Variants in CLDN10 observed in about 807,000 individuals in gnomAD.
CLDN10 encodes claudin 10.
A neutral mutation model predicts 22.9 loss-of-function variants in CLDN10; 15 were observed. That is an observed-to-expected ratio of 0.65 (90% CI 0.44 to 1.01). CLDN10 has a LOEUF of 1.01. CLDN10 is among the 50% of genes least tolerant of loss of function. The pLI is 0.00. For synonymous variants in CLDN10, 114 were observed against 111.4 expected (o/e 1.02, Z -0.15); for missense variants, 247 against 287.8 (o/e 0.86, Z 1.03).
chr13:95,482,075 G>T (rs1456423063), intron 1 of CLDN10, among the ~76,000 whole-genome samples: 2 of 152,106 alleles, frequency 1.3e-5, no homozygotes, highest in African/African-American at 4.8e-5. Flanking sequence ...AAATAAAAGA[G>T]TATAATTGGA....
chr13:95,539,168 C>T (rs751594298), intron 1 of CLDN10, among the ~76,000 whole-genome samples: 1 of 152,178 alleles, frequency 6.6e-6, no homozygotes, highest in Admixed American at 6.5e-5. Flanking sequence ...CGTGAGCCAC[C>T]GTGCCCAGCT....
At chr13:95,470,376 C>G (rs530947766) in intron 1 of CLDN10, among the ~76,000 whole-genome samples, 22 of 152,274 alleles carry the variant, frequency 1.4e-4, no homozygotes, top group African/African-American at 4.6e-4. Flanking sequence ...GCCTTCCAAG[C>G]AGCTGGAACC....
intron 1 of CLDN10, among the ~76,000 whole-genome samples, chr13:95,438,324 C>T (rs1485575971): frequency 6.6e-6 from 1 of 152,188 alleles, no homozygotes; most frequent in Non-Finnish European, 1.5e-5. Flanking sequence ...AGGGTGGTCT[C>T]AAACTCCTGG....
At chr13:95,438,897 T>C (rs1277091079) in intron 1 of CLDN10, among the ~76,000 whole-genome samples, 1 of 146,384 alleles carries the variant, frequency 6.8e-6, no homozygotes, top group East Asian at 2.0e-4. Context: ...GAGAATCACT[T>C]GAACCCAGGA....
intron 1 of CLDN10, among the ~76,000 whole-genome samples, chr13:95,502,195 C>G (rs7982563): frequency 0.47 from 71,491 of 152,060 alleles, 17,351 homozygotes; most frequent in Non-Finnish European, 0.52. Context: ...GAACTCCAAG[C>G]TTCCTGACTT....
chr13:95,570,275 G>A (rs1013894802), intron 3 of CLDN10, among the ~76,000 whole-genome samples: 4 of 152,036 alleles, frequency 2.6e-5, no homozygotes, highest in Non-Finnish European at 4.4e-5. Context: ...ATTATGACTC[G>A]GTGCCTCATT....
chr13:95,483,290 C>A (rs925797912), intron 1 of CLDN10, among the ~76,000 whole-genome samples: 2 of 152,146 alleles, frequency 1.3e-5, no homozygotes, highest in African/African-American at 4.8e-5. Flanking sequence ...GGAGATTTAC[C>A]CTTAGGGTGA....
chr13:95,491,191 G>T (rs1325285775), intron 1 of CLDN10, among the ~76,000 whole-genome samples: 1 of 152,094 alleles, frequency 6.6e-6, no homozygotes, highest in African/African-American at 2.4e-5. Context: ...GAGTTGGTTG[G>T]TGAGTTCTTA....
At chr13:95,459,632 A>G (rs1201413822) in intron 1 of CLDN10, among the ~76,000 whole-genome samples, 1 of 152,192 alleles carries the variant, frequency 6.6e-6, no homozygotes. Flanking sequence ...AAGACCCTGG[A>G]TCTGGCCCAT....
intron 1 of CLDN10, among the ~76,000 whole-genome samples, chr13:95,468,586 T>G (rs1430025302): frequency 6.6e-6 from 1 of 151,996 alleles, no homozygotes; most frequent in African/African-American, 2.4e-5. Context: ...ATTAGCCAGG[T>G]ATGGTGGCAT....
At chr13:95,563,728 G>A (rs8001332) in intron 3 of CLDN10, among the ~76,000 whole-genome samples, 1 of 152,060 alleles carries the variant, frequency 6.6e-6, no homozygotes, top group South Asian at 2.1e-4. Context: ...TGATAGAAAA[G>A]GGGCATAAAA....
chr13:95,540,716 T>C (rs2043451580), intron 1 of CLDN10, among the ~76,000 whole-genome samples: 1 of 152,160 alleles, frequency 6.6e-6, no homozygotes, highest in South Asian at 2.1e-4. Context: ...ACCTGTAAAA[T>C]ATGATCAAGC....
intron 1 of CLDN10, among the ~76,000 whole-genome samples, chr13:95,458,564 A>G (rs892648761): frequency 1.3e-5 from 2 of 152,188 alleles, no homozygotes; most frequent in African/African-American, 4.8e-5. Flanking sequence ...AACCTCTTAT[A>G]AAACTATCAG....
chr13:95,478,335 A>G (rs937280212), intron 1 of CLDN10, among the ~76,000 whole-genome samples: 1 of 152,118 alleles, frequency 6.6e-6, no homozygotes, highest in African/African-American at 2.4e-5. Flanking sequence ...TAAATAAATA[A>G]ATATAAAAAG....
Position 95,494,965 on chromosome 13 carries a change from T to C in CLDN10, c.214+60918T>C, listed in dbSNP as rs572295467. 6.6e-5 allele frequency among the ~76,000 whole-genome samples: 10 copies of C among 152,244 alleles called. 1 individual carries two copies. The highest frequency in any genetic ancestry group is 5.9e-4 in the Admixed American group (9 of 15,274). ...GCTTGGTAAAATTAATATTTCATTTTAAGGATGCAAAACCCAAATTGTGCA... is the reference window on the plus strand; with the variant it reads ...GCTTGGTAAAATTAATATTTCATTTCAAGGATGCAAAACCCAAATTGTGCA... On this transcript the variant is annotated intron_variant, in intron 1 of 4. Coordinates refer to the CLDN10 transcript ENST00000376873.
At chr13:95,505,749 C>CTTTTTTTTTTTTTTT (rs34828390) in intron 1 of CLDN10, among the ~76,000 whole-genome samples, 1 of 103,740 alleles carries the variant, frequency 9.6e-6, no homozygotes, top group Non-Finnish European at 1.9e-5. Context: ...CCTTCCCTTT[C>CTTTTTTTTTTTTTTT]TTTTTTTTTT....
At chr13:95,445,422 A>G (rs180871509) in intron 1 of CLDN10, among the ~76,000 whole-genome samples, 21 of 152,370 alleles carry the variant, frequency 1.4e-4, no homozygotes, top group African/African-American at 4.6e-4. Context: ...CTTACACTTA[A>G]CAAAGACCCT....
At chr13:95,577,081 T>C in intron 3 of CLDN10, 150 bp from the exon 4 acceptor site, 1 of 614,954 alleles carries the variant, frequency 1.6e-6, no homozygotes, top group Non-Finnish European at 2.8e-6. Flanking sequence ...GTTTACAGCA[T>C]TTTACAGACA....
chr13:95,505,613 G>A (rs2043029739), intron 1 of CLDN10, among the ~76,000 whole-genome samples: 1 of 152,184 alleles, frequency 6.6e-6, no homozygotes, highest in Non-Finnish European at 1.5e-5. Context: ...CATCTCTGTC[G>A]AATCACTGCC....
Sources: gnomAD v4.1 joint callset for allele counts (sites outside exome capture counted in the v4.1 genomes callset) on GRCh38, gnomAD v4.1.1 for gene constraint, MANE v1.5 for transcripts, NCBI Gene and HGNC (gene_info 2026-07-23, HGNC 2026-07-21) for gene names.